KCNIP4: variants seen among roughly 807,000 people sequenced by gnomAD.
KCNIP4 encodes the protein Kv channel-interacting protein 4.
In KCNIP4, 12 loss-of-function variants were observed where a neutral mutation model predicts 34.0. The ratio of observed to expected loss-of-function variants is 0.35; its 90% CI spans 0.23 to 0.57. The LOEUF (loss-of-function observed/expected upper bound fraction) is 0.57, where lower values mean the gene tolerates loss of function less well. Ranked by LOEUF, KCNIP4 falls within the 20% of genes least tolerant of loss-of-function variation. KCNIP4 has a pLI of 0.83. For synonymous variants in KCNIP4, 124 were observed against 102.2 expected (o/e 1.21, Z -1.29); for missense variants, 238 against 311.7 (o/e 0.76, Z 1.78).
Position 21,765,060 on chromosome 4 carries a change from T to C in KCNIP4, c.61+183511A>G, listed in dbSNP as rs1295059465. Among the ~76,000 whole-genome samples, 5 of 152,176 alleles carry C rather than the reference T, an allele frequency of 3.3e-5. No homozygotes were observed. The East Asian group carries it at 9.7e-4, about 29-fold the overall frequency. On this transcript the variant is annotated intron_variant, in intron 1 of 8. Coordinates refer to ENST00000382152, the MANE Select transcript of KCNIP4 (RefSeq NM_025221.6). ...TAAATTGAGCTACTCTCAGGGAGTA[T>C]ACACTGTGGCTACAACAGTCAAATA... is the stretch of plus-strand genomic sequence containing the variant.
In KCNIP4 at chr4:20,991,795, C is replaced by T. The variant is rs191179809; in HGVS notation, c.62-109086G>A. Reference sequence around the variant, plus strand: ...ATGGCATCTCCATGGATGTTGTAGCCATGGCTGGGGCTTGGTCCTACTTCT... The same window carrying T: ...ATGGCATCTCCATGGATGTTGTAGCTATGGCTGGGGCTTGGTCCTACTTCT... On this transcript the variant is annotated intron_variant, in intron 1 of 8. Coordinates refer to ENST00000382152, the MANE Select transcript of KCNIP4 (RefSeq NM_025221.6). Among the ~76,000 whole-genome samples the T allele has an allele frequency of 2.7e-3, 417 of 152,258 alleles. 2 individuals carry two copies. Among genetic ancestry groups the T allele is most frequent in the African/African-American group, 4.7e-3 (197 of 41,558 alleles).
intron 1 of KCNIP4, among the ~76,000 whole-genome samples, chr4:21,377,855 T>A (rs2109462937): frequency 6.6e-6 from 1 of 152,298 alleles, no homozygotes; most frequent in South Asian, 2.1e-4. Context: ...ACTTCTCAAC[T>A]CTAGTAGCTC....
At chr4:21,919,827 C>T (rs114617143) in intron 1 of KCNIP4, among the ~76,000 whole-genome samples, 1,923 of 152,116 alleles carry the variant, frequency 0.013, 47 homozygotes, top group African/African-American at 0.043. Flanking sequence ...AAGCAATCAA[C>T]GCAAGGATAA....
intron 1 of KCNIP4, among the ~76,000 whole-genome samples, chr4:21,274,147 A>G (rs116342851): frequency 0.018 from 2,686 of 152,316 alleles, 92 homozygotes; most frequent in African/African-American, 0.062. Context: ...TTATAATAAT[A>G]CATGTTCTAT....
chr4:20,733,785 C>A (rs6831295), intron 6 of KCNIP4, among the ~76,000 whole-genome samples: 2 of 151,948 alleles, frequency 1.3e-5, no homozygotes, highest in African/African-American at 4.8e-5. Context: ...AATTTGGCAC[C>A]CACTAGTGAT....
chr4:21,560,497 T>G (rs1560517005), intron 1 of KCNIP4, among the ~76,000 whole-genome samples: 1 of 152,104 alleles, frequency 6.6e-6, no homozygotes, highest in African/African-American at 2.4e-5. Context: ...AGCCAAATAA[T>G]CTTAGCACTT....
chr4:20,855,235 G>A (rs527680966), intron 2 of KCNIP4, among the ~76,000 whole-genome samples: 3 of 152,246 alleles, frequency 2.0e-5, no homozygotes, highest in East Asian at 3.9e-4. Context: ...CCTTTGAAGT[G>A]GGGTCAGATA....
intron 1 of KCNIP4, among the ~76,000 whole-genome samples, chr4:21,708,803 T>C (rs931671080): frequency 4.6e-5 from 7 of 152,202 alleles, no homozygotes; most frequent in African/African-American, 1.4e-4. Context: ...GTGGTGTCCA[T>C]TGGAACCTAA....
intron 1 of KCNIP4, among the ~76,000 whole-genome samples, chr4:21,661,396 A>G (rs1748439964): frequency 1.3e-5 from 2 of 152,184 alleles, no homozygotes; most frequent in African/African-American, 2.4e-5. Context: ...TAGCTGGGCT[A>G]AAAGAGCACT....
Position 21,941,828 on chromosome 4 carries a change from C to T in KCNIP4, c.61+6743G>A, listed in dbSNP as rs571333025. On this transcript the variant is annotated intron_variant, in intron 1 of 8. Transcript: ENST00000382152. ...TTAACATGAGCATGAAGGCCAAATG[C>T]TCAATATGGAAAATTCTATATTTAT... 4.6e-5 allele frequency among the ~76,000 whole-genome samples: 7 copies of T among 152,302 alleles called. No homozygotes were observed. In the South Asian group the frequency reaches 1.5e-3, roughly 32 times the overall value.
At chr4:20,981,683 G>GA (rs1368614880) in intron 1 of KCNIP4, among the ~76,000 whole-genome samples, 1 of 152,120 alleles carries the variant, frequency 6.6e-6, no homozygotes, top group Non-Finnish European at 1.5e-5. Flanking sequence ...TATTTCAGAG[G>GA]AAAAAGGGAC....
chr4:20,736,348 CATT>C (rs1482477245), intron 5 of KCNIP4, among the ~76,000 whole-genome samples: 1 of 151,960 alleles, frequency 6.6e-6, no homozygotes, highest in Non-Finnish European at 1.5e-5. Flanking sequence ...TTTTTCTCAT[CATT>C]ATTTCTAGGT....
At chr4:21,323,473 G>T (rs1405866529) in intron 1 of KCNIP4, among the ~76,000 whole-genome samples, 1 of 151,898 alleles carries the variant, frequency 6.6e-6, no homozygotes, top group Non-Finnish European at 1.5e-5. Context: ...GAGTTAAATT[G>T]TTTTAATTTT....
At chr4:21,116,698 C>G (rs1462581527) in intron 1 of KCNIP4, among the ~76,000 whole-genome samples, 1 of 152,196 alleles carries the variant, frequency 6.6e-6, no homozygotes, top group Non-Finnish European at 1.5e-5. Context: ...TCAGAGTAGA[C>G]TACCAGCAGA....
chr4:21,523,261 C>T (rs1294244737), intron 1 of KCNIP4, among the ~76,000 whole-genome samples: 1 of 151,992 alleles, frequency 6.6e-6, no homozygotes, highest in Non-Finnish European at 1.5e-5. Flanking sequence ...CACCTATGGT[C>T]TTTATTTTTT....
At chr4:21,372,469 A>T (rs986639094) in intron 1 of KCNIP4, among the ~76,000 whole-genome samples, 1 of 146,824 alleles carries the variant, frequency 6.8e-6, no homozygotes, top group Non-Finnish European at 1.5e-5. Flanking sequence ...TGTATACAAC[A>T]TATTGCTTTT....
chr4:21,562,967 T>A (rs1739580336), intron 1 of KCNIP4, among the ~76,000 whole-genome samples: 2 of 152,074 alleles, frequency 1.3e-5, no homozygotes, highest in African/African-American at 4.8e-5. Context: ...CTTTGATTTA[T>A]CTTACAAGGG....
chr4:20,765,354 T>C (rs912558640), intron 3 of KCNIP4, among the ~76,000 whole-genome samples: 6 of 152,176 alleles, frequency 3.9e-5, no homozygotes, highest in African/African-American at 1.4e-4. Flanking sequence ...GTACACGGTG[T>C]ATTTGTACCC....
chr4:21,472,437 G>A (rs1330063764), intron 1 of KCNIP4, among the ~76,000 whole-genome samples: 2 of 152,138 alleles, frequency 1.3e-5, no homozygotes, highest in Non-Finnish European at 2.9e-5. Flanking sequence ...TGGCTGAAAT[G>A]TGTGTGTGGG....
Sources: gnomAD v4.1 joint callset for allele counts (sites outside exome capture counted in the v4.1 genomes callset) on GRCh38, gnomAD v4.1.1 for gene constraint, MANE v1.5 for transcripts, NCBI Gene and HGNC (gene_info 2026-07-23, HGNC 2026-07-21) for gene names.